SOBP: variants seen among roughly 807,000 people sequenced by gnomAD.
The protein encoded by SOBP is sine oculis binding protein homolog.
A neutral mutation model predicts 53.6 loss-of-function variants in SOBP; 4 were observed. The ratio of observed to expected loss-of-function variants is 0.07; its 90% CI spans 0.04 to 0.17. The LOEUF is 0.17. Among genes scored for constraint, SOBP ranks in the 10% least tolerant of loss-of-function variants. The pLI, the probability that SOBP is intolerant of heterozygous loss-of-function variation, is 1.00. For synonymous variants in SOBP, 584 were observed against 522.6 expected (o/e 1.12, Z -1.60); for missense variants, 1,088 against 1,204.7 (o/e 0.90, Z 1.43).
In SOBP at chr6:107,524,268, TC is replaced by T. The variant is rs558453866; in HGVS notation, c.422-9190del. Among the ~76,000 whole-genome samples, 5 of 152,322 alleles carry T rather than the reference TC, an allele frequency of 3.3e-5. No homozygotes were observed. The East Asian group carries it at 9.7e-4, about 29-fold the overall frequency. Reference sequence around the variant, plus strand: ...CACACTTTTTGATCTGACTCCCTTGTCGCTTATCACGTTCATTTGTGGACTA... The same window carrying T: ...CACACTTTTTGATCTGACTCCCTTGTGCTTATCACGTTCATTTGTGGACTA... On this transcript the variant is annotated intron_variant, in intron 3 of 6. Transcript: ENST00000317357.
chr6:107,515,553 G>T (rs562884059), intron 3 of SOBP, among the ~76,000 whole-genome samples: 92 of 152,148 alleles, frequency 6.0e-4, no homozygotes, highest in African/African-American at 2.2e-3. Flanking sequence ...GTTTGAGACC[G>T]GCCTGGGCAA....
rs34004579 is a variant in SOBP, at chr6:107,521,909, A to AACACACACAC, written c.422-11508_422-11499dup. 1.1e-3 allele frequency among the ~76,000 whole-genome samples: 156 copies of AACACACACAC among 139,354 alleles called. 1 individual carries two copies. The highest frequency in any genetic ancestry group is 2.3e-3 in the African/African-American group (84 of 36,274). The allele number at this position is 139,354 out of a possible 152,430, so 91.4% of individuals were successfully genotyped here. A position where few individuals can be genotyped will look rare whatever the true frequency, so the allele number is the denominator to read the frequency against. ...GTCTGGTGGAAGAGACAGACATTAA[A>AACACACACAC]ACACACACACACACACACACACACA... On this transcript the variant is annotated intron_variant, in intron 3 of 6. Coordinates refer to ENST00000317357, the MANE Select transcript of SOBP (RefSeq NM_018013.4).
intron 5 of SOBP, among the ~76,000 whole-genome samples, chr6:107,593,713 A>G (rs927096110): frequency 1.3e-5 from 2 of 152,212 alleles, no homozygotes; most frequent in Non-Finnish European, 2.9e-5. Context: ...GCACCTAATA[A>G]AAGCTCAACA....
chr6:107,491,185 A>C (rs1205297362), intron 1 of SOBP, among the ~76,000 whole-genome samples: 1 of 151,780 alleles, frequency 6.6e-6, no homozygotes, highest in Non-Finnish European at 1.5e-5. Context: ...CCCCCCAACC[A>C]ACCAGCTGCG....
chr6:107,548,517 C>T (rs941166507), intron 4 of SOBP, among the ~76,000 whole-genome samples: 23 of 152,114 alleles, frequency 1.5e-4, no homozygotes, highest in African/African-American at 5.6e-4. Flanking sequence ...GCTGGGATTA[C>T]AGGCGTGAGC....
chr6:107,617,866 C>T (rs909145620), intron 5 of SOBP, among the ~76,000 whole-genome samples: 3 of 135,014 alleles, frequency 2.2e-5, no homozygotes, highest in African/African-American at 2.8e-5. Context: ...GTCTCTCTGT[C>T]GCACAGGCTG....
At chr6:107,559,919 A>G (rs929754242) in intron 4 of SOBP, among the ~76,000 whole-genome samples, 1 of 152,150 alleles carries the variant, frequency 6.6e-6, no homozygotes, top group African/African-American at 2.4e-5. Flanking sequence ...TTCTTCTCTT[A>G]AAAGGAACTG....
intron 4 of SOBP, among the ~76,000 whole-genome samples, chr6:107,541,204 T>C (rs993207472): frequency 1.1e-4 from 16 of 152,216 alleles, no homozygotes; most frequent in Non-Finnish European, 2.2e-4. Context: ...TATTTTCTGC[T>C]TAATTCATCT....
intron 4 of SOBP, among the ~76,000 whole-genome samples, chr6:107,551,799 T>C (rs1041033309): frequency 6.6e-6 from 1 of 152,172 alleles, no homozygotes; most frequent in African/African-American, 2.4e-5. Context: ...AGCAGGTGGA[T>C]CACTTGGGGT....
intron 5 of SOBP, among the ~76,000 whole-genome samples, chr6:107,627,310 T>G (rs1770503313): frequency 6.6e-6 from 1 of 152,164 alleles, no homozygotes; most frequent in South Asian, 2.1e-4. Flanking sequence ...AATCAGAGAC[T>G]TGGGTCCATG....
At chr6:107,590,811 A>G (rs947903539) in intron 5 of SOBP, among the ~76,000 whole-genome samples, 1 of 152,152 alleles carries the variant, frequency 6.6e-6, no homozygotes, top group Non-Finnish European at 1.5e-5. Flanking sequence ...TTCCTCGTGG[A>G]TGTAGACAGG....
intron 1 of SOBP, among the ~76,000 whole-genome samples, chr6:107,491,335 G>C (rs1006075170): frequency 2.6e-5 from 4 of 152,178 alleles, no homozygotes; most frequent in African/African-American, 9.6e-5. Flanking sequence ...GCCTCTGCCT[G>C]CCTCACTTCC....
intron 6 of SOBP, among the ~76,000 whole-genome samples, chr6:107,647,491 A>T (rs1327585141): frequency 6.6e-6 from 1 of 152,246 alleles, no homozygotes; most frequent in Non-Finnish European, 1.5e-5. Context: ...CTCGTAGTAG[A>T]TGCTTATTAC....
chr6:107,610,581 G>A (rs1041128037), intron 5 of SOBP, among the ~76,000 whole-genome samples: 1 of 152,224 alleles, frequency 6.6e-6, no homozygotes, highest in Non-Finnish European at 1.5e-5. Context: ...GAATCCCCAA[G>A]AGTGGGAGCC....
intron 4 of SOBP, among the ~76,000 whole-genome samples, chr6:107,579,572 G>T (rs1785340168): frequency 6.6e-6 from 1 of 152,084 alleles, no homozygotes; most frequent in Non-Finnish European, 1.5e-5. Flanking sequence ...TGTGGAATCT[G>T]TTGCCATAAC....
In SOBP at chr6:107,634,747, G is replaced by C. The variant is rs1583295932; in HGVS notation, c.1903G>C (p.Gly635Arg). Residue 635 changes from glycine to arginine, a missense_variant, in exon 6 of 7, where the codon GGC becomes CGC. Around this residue, in one of 6 missense-constraint regions of SOBP, gnomAD observed 665 missense variants for 629.7 expected, o/e 1.06. Coordinates refer to ENST00000317357, the MANE Select transcript of SOBP (RefSeq NM_018013.4). The surrounding 1 kb of genome is among the most constrained non-coding windows in gnomAD (Gnocchi z 4.5). ...CGCCGGCAGCCCCCCGGGCCCCCCGGGCGCGGGCGGCCAGCTCGGCTTCCC... is the reference window on the plus strand; with the variant it reads ...CGCCGGCAGCCCCCCGGGCCCCCCGCGCGCGGGCGGCCAGCTCGGCTTCCC... The part of the protein sequence containing the change: ...RRAGSPPGPP[G>R]AGGQLGFPGV... 7.5e-7 allele frequency: 1 copy of C among 1,334,016 alleles called. No homozygotes were observed. The highest frequency in any genetic ancestry group is 3.8e-5 in the Admixed American group (1 of 26,580). The allele number at this position is 1,334,016 out of a possible 1,614,324, so 82.6% of individuals were successfully genotyped here.
chr6:107,498,281 A>T (rs537414927), intron 1 of SOBP, among the ~76,000 whole-genome samples: 1 of 152,270 alleles, frequency 6.6e-6, no homozygotes, highest in South Asian at 2.1e-4. Flanking sequence ...TGGGTGAGTG[A>T]TTGGGGGCTC....
chr6:107,571,445 A>G (rs1018995899), intron 4 of SOBP, among the ~76,000 whole-genome samples: 4 of 152,186 alleles, frequency 2.6e-5, no homozygotes, highest in Admixed American at 1.3e-4. Flanking sequence ...GGCCCTGGAG[A>G]GCATCCTTGG....
At chr6:107,562,048 T>TTTTTA (rs1784787402) in intron 4 of SOBP, among the ~76,000 whole-genome samples, 1 of 147,956 alleles carries the variant, frequency 6.8e-6, no homozygotes. Context: ...TTTTTTTTTT[T>TTTTTA]GAGACAGGGT....
Sources: allele counts gnomAD v4.1 joint callset (sites outside exome capture counted in the v4.1 genomes callset), GRCh38; gene constraint gnomAD v4.1.1; regional missense constraint gnomAD v4.1.1; non-coding constraint Gnocchi (gnomAD v3.1); transcripts MANE v1.5; gene names NCBI Gene and HGNC (gene_info 2026-07-23, HGNC 2026-07-21).